CCDC7: variants seen among roughly 807,000 people sequenced by gnomAD.
CCDC7 encodes coiled-coil domain-containing protein 7.
In CCDC7, 183 loss-of-function variants were observed where a neutral mutation model predicts 196.9. The observed-to-expected ratio is 0.93, with a 90% CI of 0.82 to 1.05. The LOEUF (loss-of-function observed/expected upper bound fraction) is 1.05. Ranked by LOEUF, CCDC7 falls within the 50% of genes least tolerant of loss-of-function variation. CCDC7 has a pLI of 0.00. For missense variants in CCDC7, 1,540 were observed against 1,482.2 expected (o/e 1.04, Z -0.64); for synonymous variants, 525 against 484.6 (o/e 1.08, Z -1.10).
chr10:32,870,850 T>A (rs935180788), intron 41 of CCDC7, among the ~76,000 whole-genome samples: 1 of 152,084 alleles, frequency 6.6e-6, no homozygotes, highest in African/African-American at 2.4e-5. Context: ...CTATTGAGAT[T>A]ATCATATGGT....
At chr10:32,497,593 C>G (rs1411198357) in intron 9 of CCDC7, among the ~76,000 whole-genome samples, 3 of 152,104 alleles carry the variant, frequency 2.0e-5, no homozygotes, top group East Asian at 1.9e-4. Context: ...TACATTGTGT[C>G]TTTATTCTCA....
chr10:32,878,262 T>C (rs763709864), downstream of CCDC7, among the ~76,000 whole-genome samples: 1 of 152,110 alleles, frequency 6.6e-6, no homozygotes, highest in Non-Finnish European at 1.5e-5. Flanking sequence ...CTATGTGGCT[T>C]GTGGCTCCCA....
At chr10:32,582,140 A>ATATATATATATAT (rs1177050764) in intron 16 of CCDC7, among the ~76,000 whole-genome samples, 150 of 128,494 alleles carry the variant, frequency 1.2e-3, no homozygotes, top group Non-Finnish European at 1.8e-3. Flanking sequence ...ATATATATAT[A>ATATATATATATAT]CTTTTTTTTT....
intron 28 of CCDC7, among the ~76,000 whole-genome samples, chr10:32,769,437 G>A (rs2078825865): frequency 6.6e-6 from 1 of 151,524 alleles, no homozygotes; most frequent in African/African-American, 2.4e-5. Context: ...AATCTTTTCA[G>A]GGAACTGAGT....
chr10:32,681,965 C>T (rs891906333), intron 21 of CCDC7, among the ~76,000 whole-genome samples: 16 of 151,946 alleles, frequency 1.1e-4, no homozygotes, highest in Non-Finnish European at 1.9e-4. Flanking sequence ...TTCTACTGTG[C>T]GAATCCTGAC....
At chr10:32,784,817 C>A (rs1170578389) in intron 29 of CCDC7, among the ~76,000 whole-genome samples, 1 of 152,076 alleles carries the variant, frequency 6.6e-6, no homozygotes, top group African/African-American at 2.4e-5. Context: ...GCCTGGCCCA[C>A]ATGGTGAAGC....
intron 8 of CCDC7, among the ~76,000 whole-genome samples, chr10:32,483,655 C>G (rs2040422006): frequency 6.6e-6 from 1 of 152,136 alleles, no homozygotes. Context: ...TTTAATCCAT[C>G]TTGAATTGAT....
chr10:32,771,941 C>A (rs1247356160), intron 28 of CCDC7, among the ~76,000 whole-genome samples: 1 of 152,172 alleles, frequency 6.6e-6, no homozygotes, highest in African/African-American at 2.4e-5. Flanking sequence ...GGCAGTGCTT[C>A]CAACTGTGGG....
At chr10:32,845,900 A>G in exon 36 of CCDC7, 2 of 1,611,942 alleles carry the variant, frequency 1.2e-6, no homozygotes, top group Non-Finnish European at 1.7e-6. Context: ...TTCTTGGCAG[A>G]TGCTATTGGA....
intron 11 of CCDC7, among the ~76,000 whole-genome samples, chr10:32,530,482 G>A (rs1045187261): frequency 2.0e-5 from 3 of 152,256 alleles, no homozygotes; most frequent in African/African-American, 7.2e-5. Flanking sequence ...AGACAAGGAT[G>A]CCTACTGTCA....
At position 32,541,005 on chromosome 10, in the gene CCDC7, C is replaced by A. The variant is rs764287453; in HGVS notation, c.994-2295C>A. Among the ~76,000 whole-genome samples, 102 of 151,592 alleles carry A rather than the reference C, an allele frequency of 6.7e-4. 1 individual carries two copies. In the Middle Eastern group the frequency reaches 0.014, roughly 20 times the overall value. The stretch of plus-strand genomic sequence containing the variant: ...CTTTTTCCCCGCCTCTTTCAGGAAC[C>A]AATCAGTCATAGATTTGACCTCTAC... On this transcript the variant is annotated intron_variant, in intron 11 of 41. Coordinates refer to ENST00000639629, the Ensembl canonical transcript of CCDC7.
chr10:32,752,152 C>T (rs1372175181), intron 28 of CCDC7, among the ~76,000 whole-genome samples: 1 of 152,056 alleles, frequency 6.6e-6, no homozygotes, highest in African/African-American at 2.4e-5. Context: ...TATTCAAAAG[C>T]CAGTGTCACC....
intron 28 of CCDC7, among the ~76,000 whole-genome samples, chr10:32,759,048 A>G (rs2076970460): frequency 6.6e-6 from 1 of 152,182 alleles, no homozygotes; most frequent in Non-Finnish European, 1.5e-5. Flanking sequence ...GATGTGAAGG[A>G]CCTCTTCAAG....
At chr10:32,594,613 T>G (rs1297098335) in intron 18 of CCDC7, among the ~76,000 whole-genome samples, 2 of 150,466 alleles carry the variant, frequency 1.3e-5, no homozygotes, top group Non-Finnish European at 2.9e-5. Flanking sequence ...AGAGAGGACA[T>G]CCCTGTTTTT....
At chr10:32,595,802 C>G (rs2060274078) in intron 18 of CCDC7, among the ~76,000 whole-genome samples, 1 of 152,070 alleles carries the variant, frequency 6.6e-6, no homozygotes. Flanking sequence ...TGTTATGTAC[C>G]TAGTAGTCAT....
At chr10:32,449,290 G>A (rs377336469), upstream of CCDC7, among the ~76,000 whole-genome samples, 60 of 152,020 alleles carry the variant, frequency 3.9e-4, no homozygotes, top group African/African-American at 1.4e-3. Context: ...GAGTTCAAGC[G>A]ATTCTCCTGC....
chr10:32,717,881 A>G (rs1384505438), intron 25 of CCDC7, among the ~76,000 whole-genome samples: 1 of 131,736 alleles, frequency 7.6e-6, no homozygotes, highest in Non-Finnish European at 1.6e-5. Context: ...TTGAAGCAGT[A>G]ATTAATAGCC....
chr10:32,658,526 G>A (rs2070480639), intron 20 of CCDC7, among the ~76,000 whole-genome samples: 1 of 152,112 alleles, frequency 6.6e-6, no homozygotes, highest in Non-Finnish European at 1.5e-5. Context: ...ATTACCTCCT[G>A]CTGGGTCCCT....
intron 25 of CCDC7, among the ~76,000 whole-genome samples, chr10:32,715,951 A>T (rs867742644): frequency 1.8e-4 from 27 of 152,330 alleles, no homozygotes; most frequent in African/African-American, 5.5e-4. Context: ...AGAGACGGGG[A>T]GAATGAAACC....
Sources: gnomAD v4.1 joint callset for allele counts (sites outside exome capture counted in the v4.1 genomes callset) on GRCh38, gnomAD v4.1.1 for gene constraint, MANE v1.5 for transcripts, NCBI Gene and HGNC (gene_info 2026-07-23, HGNC 2026-07-21) for gene names.